NFASC: variants seen among roughly 807,000 people sequenced by gnomAD.
The protein encoded by NFASC is neurofascin homolog.
NFASC carries 43 observed loss-of-function variants against 147.5 expected under a neutral mutation model. That is an observed-to-expected ratio of 0.29 (90% CI 0.23 to 0.38). NFASC has a LOEUF of 0.38. Among genes scored for constraint, NFASC ranks in the 10% least tolerant of loss-of-function variants. The pLI, the probability that NFASC is intolerant of heterozygous loss-of-function variation, is 1.00. For missense variants in NFASC, 1,320 were observed against 1,689.0 expected, an observed-to-expected ratio of 0.78 and a Z score of 3.83; for synonymous variants, 622 against 665.5, an observed-to-expected ratio of 0.93 and a Z score of 1.01.
At chr1:204,849,768 G>T (rs1232201575) in intron 1 of NFASC, among the ~76,000 whole-genome samples, 2 of 152,202 alleles carry the variant, frequency 1.3e-5, no homozygotes, top group African/African-American at 4.8e-5. Flanking sequence ...TCCCAAGAGT[G>T]AAATAGTTTC....
intron 1 of NFASC, among the ~76,000 whole-genome samples, chr1:204,905,768 A>T (rs2085718495): frequency 6.6e-6 from 1 of 152,114 alleles, no homozygotes; most frequent in Admixed American, 6.5e-5. Context: ...CCTGTGCAAG[A>T]GTGTCTCATG....
At chr1:205,000,093 T>C (rs566735902) in intron 25 of NFASC, 1 of 152,180 alleles carries the variant, frequency 6.6e-6, no homozygotes, top group Non-Finnish European at 1.5e-5. Context: ...TCCCAGCTCA[T>C]AGGAACTTGA....
At chr1:204,945,894 C>G (rs920745585) in intron 3 of NFASC, among the ~76,000 whole-genome samples, 45 of 152,194 alleles carry the variant, frequency 3.0e-4, no homozygotes, top group Non-Finnish European at 5.4e-4. Flanking sequence ...CATTTCTCTT[C>G]TGCCACTTCT....
At chr1:204,869,577 A>G (rs2077414959) in intron 1 of NFASC, among the ~76,000 whole-genome samples, 2 of 152,166 alleles carry the variant, frequency 1.3e-5, no homozygotes, top group Admixed American at 6.5e-5. Flanking sequence ...CTTAGCATTT[A>G]CCATATGTAT....
chr1:205,016,549 C>G lies in NFASC; in HGVS notation c.*10C>G. 1 of 1,599,290 alleles carries G rather than the reference C, an allele frequency of 6.3e-7. No homozygotes were observed. ...CTACTCTCTGGCCTAACGGAGCCCACCCAGGCACAGCCACCACTTTGCAAG... is the reference window on the plus strand; with the variant it reads ...CTACTCTCTGGCCTAACGGAGCCCAGCCAGGCACAGCCACCACTTTGCAAG... On this transcript the variant is annotated 3_prime_UTR_variant, in exon 30 of 30. Transcript: ENST00000339876. The surrounding 1 kb of genome is among the most constrained non-coding windows in gnomAD (Gnocchi z 5.1).
rs775513825 is a variant in NFASC, at chr1:204,976,761, C to T, written c.1797C>T (p.Asp599=). The T allele has an allele frequency of 1.9e-6, 3 of 1,614,080 alleles. No homozygotes were observed. The East Asian group carries it at 6.7e-5, about 36-fold the overall frequency. ...SYTCVASTEL[D]QDLAKAYLTV... is the part of the protein sequence containing the mutation. ...CGTGTGTCGCCAGCACCGAGCTAGACCAAGACCTGGCCAAGGCCTACCTCA... is the reference window on the plus strand; with the variant it reads ...CGTGTGTCGCCAGCACCGAGCTAGATCAAGACCTGGCCAAGGCCTACCTCA... Residue 599 remains aspartate, a synonymous_variant, in exon 16 of 30, where the codon GAC becomes GAT. Coordinates refer to ENST00000339876, the MANE Select transcript of NFASC (RefSeq NM_001005388.3).
At position 204,954,145 on chromosome 1, in the gene NFASC, C is replaced by T. The variant is rs765710562; in HGVS notation, c.216-43C>T. 6.3e-6 allele frequency: 10 copies of T among 1,579,232 alleles called. No homozygotes were observed. Among genetic ancestry groups the T allele is most frequent in the Non-Finnish European group, 8.7e-6 (10 of 1,149,230 alleles). On this transcript the variant is annotated intron_variant, in intron 5 of 29. Transcript: ENST00000339876. This position sits in a 1 kb window ranked among gnomAD's most constrained non-coding sequence, Gnocchi z 5.7. ...TGAGATCTGCCTGGAGCCCAGAGCC[C>T]ACCCCATTCGTCTTGGTTGCCACTG...
intron 1 of NFASC, among the ~76,000 whole-genome samples, chr1:204,875,255 C>G (rs1246762892): frequency 6.6e-6 from 1 of 152,148 alleles, no homozygotes. Context: ...CTTCCTCACT[C>G]CCCATCCCTT....
intron 1 of NFASC, among the ~76,000 whole-genome samples, chr1:204,841,851 G>A (rs2102507571): frequency 6.6e-6 from 1 of 152,258 alleles, no homozygotes; most frequent in East Asian, 1.9e-4. Context: ...CTGAGATGAG[G>A]TCTGATGTCT....
Position 204,975,463 on chromosome 1 carries a change from A to G in NFASC, c.1706+45A>G, listed in dbSNP as rs374187333. 6.3e-6 allele frequency: 10 copies of G among 1,581,868 alleles called. No homozygotes were observed. Among genetic ancestry groups the G allele is most frequent in the Non-Finnish European group, 6.0e-6 (7 of 1,157,126 alleles). ...CCTTCCTAGTGCTAGTTTGAGGCGC[A>G]TTTTCTTTTCCCTTGCTGTTGGTGA... On this transcript the variant is annotated intron_variant, in intron 15 of 29. Transcript: ENST00000339876. This position sits in a 1 kb window ranked among gnomAD's most constrained non-coding sequence, Gnocchi z 4.0.
chr1:204,835,158 T>A (rs183610054), intron 1 of NFASC, among the ~76,000 whole-genome samples: 2 of 151,726 alleles, frequency 1.3e-5, no homozygotes, highest in Admixed American at 1.3e-4. Flanking sequence ...GAAGATCACA[T>A]TGGGCTTGGG....
intron 1 of NFASC, among the ~76,000 whole-genome samples, chr1:204,893,395 A>G (rs1035743119): frequency 6.6e-6 from 1 of 152,188 alleles, no homozygotes; most frequent in South Asian, 2.1e-4. Context: ...GATTGCAACC[A>G]TTGGTGAAGA....
At chr1:204,849,346 T>A (rs538724802) in intron 1 of NFASC, among the ~76,000 whole-genome samples, 31 of 152,318 alleles carry the variant, frequency 2.0e-4, no homozygotes, top group African/African-American at 6.5e-4. Flanking sequence ...CAGGCTGGGA[T>A]AGAAACTGTC....
intron 1 of NFASC, among the ~76,000 whole-genome samples, chr1:204,886,007 G>C (rs894620714): frequency 6.6e-6 from 1 of 152,166 alleles, no homozygotes; most frequent in Non-Finnish European, 1.5e-5. Context: ...AATCGCTTTC[G>C]AGGCTGCAGC....
At chr1:204,952,413 G>A (rs901502430) in intron 5 of NFASC, among the ~76,000 whole-genome samples, 7 of 152,028 alleles carry the variant, frequency 4.6e-5, no homozygotes, top group African/African-American at 1.2e-4. Flanking sequence ...TCTGCCCCAC[G>A]TTTAGCTTAT....
At chr1:204,938,008 G>A (rs2093022362) in intron 2 of NFASC, among the ~76,000 whole-genome samples, 1 of 152,216 alleles carries the variant, frequency 6.6e-6, no homozygotes, top group African/African-American at 2.4e-5. Flanking sequence ...GCTGCCAGCT[G>A]AGCCATGTCT....
At chr1:204,845,361 G>A (rs1676696265) in intron 1 of NFASC, among the ~76,000 whole-genome samples, 1 of 151,990 alleles carries the variant, frequency 6.6e-6, no homozygotes, top group Admixed American at 6.6e-5. Context: ...GGGAGGCTGA[G>A]GCAGGAGAAT....
rs541411615 is a variant in NFASC, at chr1:205,019,312, A to G, written c.*2773A>G. 17 of 152,342 alleles carry G rather than the reference A, an allele frequency of 1.1e-4. No homozygotes were observed. Among genetic ancestry groups the G allele is most frequent in the African/African-American group, 4.1e-4 (17 of 41,554 alleles). The allele number at this position is 152,342 out of a possible 1,614,324, so 9.4% of individuals were successfully genotyped here. On this transcript the variant is annotated 3_prime_UTR_variant, in exon 30 of 30. Transcript: ENST00000339876. ...CAAGCAACTACCCCAAGACATACCA[A>G]CAGTGAAGCCAGGACAGCACCATGC...
At chr1:204,942,818 G>A (rs746051719) in intron 2 of NFASC, among the ~76,000 whole-genome samples, 5 of 152,126 alleles carry the variant, frequency 3.3e-5, no homozygotes, top group Non-Finnish European at 7.4e-5. Context: ...CCCAGCTTCT[G>A]GGAAAGAAAC....
Sources: gnomAD v4.1 joint callset for allele counts (sites outside exome capture counted in the v4.1 genomes callset) on GRCh38, gnomAD v4.1.1 for gene constraint, Gnocchi (gnomAD v3.1) non-coding constraint, MANE v1.5 for transcripts, NCBI Gene and HGNC (gene_info 2026-07-23, HGNC 2026-07-21) for gene names.